The following PRRT1B variants were observed in gnomAD, a reference collection of about 807,000 sequenced individuals.
The protein encoded by PRRT1B is dispanin subfamily D member 2.
chr9:131,551,640 A>G lies in PRRT1B; in HGVS notation c.26-2917A>G, dbSNP rs932500288. ...ATGACATTCCACCACAAAAGAAGTG[A>G]AAATGGCCTGTTCCTGCCTTAACTG... On this transcript the variant is annotated intron_variant, in intron 1 of 3. Transcript: ENST00000636672. This position sits in a 1 kb window ranked among gnomAD's most constrained non-coding sequence, Gnocchi z 4.4. 1.0e-3 allele frequency among the ~76,000 whole-genome samples: 155 copies of G among 151,488 alleles called. No homozygotes were observed. The highest frequency in any genetic ancestry group is 3.3e-3 in the African/African-American group (138 of 41,308).
At chr9:131,549,359 G>A (rs1170745806) in intron 1 of PRRT1B, among the ~76,000 whole-genome samples, 3 of 152,190 alleles carry the variant, frequency 2.0e-5, no homozygotes, top group African/African-American at 7.2e-5. Context: ...AGCTTGCTAC[G>A]AGTGTTGGAA....
intron 1 of PRRT1B, among the ~76,000 whole-genome samples, chr9:131,547,495 A>G (rs986221093): frequency 1.3e-5 from 2 of 151,884 alleles, no homozygotes; most frequent in African/African-American, 2.4e-5. Context: ...AATCCTATAA[A>G]ACGGCCCCAC....
At chr9:131,546,408 G>A (rs1413221038) in intron 1 of PRRT1B, among the ~76,000 whole-genome samples, 1 of 152,196 alleles carries the variant, frequency 6.6e-6, no homozygotes, top group Non-Finnish European at 1.5e-5. Flanking sequence ...GCGCTGGAAG[G>A]GGCGGGGGGC....
chr9:131,547,065 C>CTTTTTTT lies in PRRT1B; in HGVS notation c.25+1443_25+1449dup, dbSNP rs549825970. Among the ~76,000 whole-genome samples, 60 of 100,756 alleles carry CTTTTTTT rather than the reference C, an allele frequency of 6.0e-4. 8 individuals are homozygous for CTTTTTTT. The highest frequency in any genetic ancestry group is 1.6e-3 in the African/African-American group (32 of 20,490). The allele number at this position is 100,756 out of a possible 152,430, so 66.1% of individuals were successfully genotyped here. A position where few individuals can be genotyped will look rare whatever the true frequency, so the allele number is the denominator to read the frequency against. Reference sequence around the variant, plus strand: ...AGAGCAGAGCCTGGCCTCCTGTTCGCTTTTTTTTTTTTTTTTTTTTTTTTG... The same window carrying CTTTTTTT: ...AGAGCAGAGCCTGGCCTCCTGTTCGCTTTTTTTTTTTTTTTTTTTTTTTTTTTTTTTG... On this transcript the variant is annotated intron_variant, in intron 1 of 3. Coordinates refer to ENST00000636672, the Ensembl canonical transcript of PRRT1B.
At chr9:131,549,435 C>T (rs1414282077) in intron 1 of PRRT1B, among the ~76,000 whole-genome samples, 2 of 152,190 alleles carry the variant, frequency 1.3e-5, no homozygotes, top group East Asian at 1.9e-4. Context: ...CCCATCTGTG[C>T]GGGACCCCAC....
exon 1 of PRRT1B, chr9:131,545,618 G>A (rs952262265): frequency 5.1e-6 from 2 of 393,604 alleles, no homozygotes; most frequent in East Asian, 3.6e-5. Flanking sequence ...CTCGGACCAT[G>A]GAGGCAGGAG....
intron 3 of PRRT1B, among the ~76,000 whole-genome samples, chr9:131,556,639 CTCTT>C (rs1372876743): frequency 1.3e-5 from 2 of 151,650 alleles, no homozygotes; most frequent in Admixed American, 6.6e-5. Context: ...CACCATCTCT[CTCTT>C]TTTTTTTGAT....
chr9:131,546,229 G>A (rs1489557295), intron 1 of PRRT1B, among the ~76,000 whole-genome samples: 2 of 152,196 alleles, frequency 1.3e-5, no homozygotes, highest in Non-Finnish European at 2.9e-5. Flanking sequence ...AGAGCCTGCA[G>A]TAGGGAGCAC....
intron 1 of PRRT1B, among the ~76,000 whole-genome samples, chr9:131,548,330 CCTT>C (rs1360820976): frequency 6.6e-5 from 10 of 152,170 alleles, no homozygotes; most frequent in Middle Eastern, 3.4e-3. Flanking sequence ...CTCTATTCCT[CCTT>C]CTTCTCCCTT....
At chr9:131,552,839 A>ATTTTTTTTTTTTTTTTTTTTT (rs61662684) in intron 1 of PRRT1B, among the ~76,000 whole-genome samples, 1 of 133,800 alleles carries the variant, frequency 7.5e-6, no homozygotes, top group Non-Finnish European at 1.6e-5. Context: ...CACCTGGTTA[A>ATTTTTTTTTTTTTTTTTTTTT]TTTTTTTTTT....
chr9:131,556,014 C>T, intron 2 of PRRT1B, 56 bp from the exon 3 acceptor site: 1 of 399,886 alleles, frequency 2.5e-6, no homozygotes, highest in Non-Finnish European at 4.4e-6. Context: ...TTCTCACTCA[C>T]TCTGTTGTCC....
At chr9:131,554,942 C>G in exon 2 of PRRT1B, 1 of 389,034 alleles carries the variant, frequency 2.6e-6, no homozygotes, top group Non-Finnish European at 4.5e-6. Context: ...CTGCGCTCTT[C>G]CCGCCGCCCG....
chr9:131,556,618 A>C (rs1339005194), intron 3 of PRRT1B, among the ~76,000 whole-genome samples: 1 of 150,534 alleles, frequency 6.6e-6, no homozygotes, highest in East Asian at 2.0e-4. Flanking sequence ...TTATCCATCC[A>C]CCCACCCATC....
chr9:131,549,048 A>T (rs1471532674), intron 1 of PRRT1B, among the ~76,000 whole-genome samples: 1 of 152,088 alleles, frequency 6.6e-6, no homozygotes. Flanking sequence ...ACAGCCCTAG[A>T]CCCTAAAAGG....
chr9:131,552,403 G>C (rs1444369080), intron 1 of PRRT1B, among the ~76,000 whole-genome samples: 1 of 152,218 alleles, frequency 6.6e-6, no homozygotes, highest in African/African-American at 2.4e-5. Context: ...TTTCCTTTGA[G>C]CATTGGTCAC....
At chr9:131,547,612 C>T (rs545216175) in intron 1 of PRRT1B, among the ~76,000 whole-genome samples, 11 of 152,180 alleles carry the variant, frequency 7.2e-5, no homozygotes, top group African/African-American at 1.4e-4. Context: ...TTCACACGGA[C>T]GCGAGTGAAA....
chr9:131,545,978 G>A (rs1950971765), intron 1 of PRRT1B, among the ~76,000 whole-genome samples: 1 of 152,138 alleles, frequency 6.6e-6, no homozygotes, highest in Non-Finnish European at 1.5e-5. Flanking sequence ...AGAATGCCCG[G>A]CCCAGGACAC....
At chr9:131,556,905 T>C (rs571238949) in intron 3 of PRRT1B, among the ~76,000 whole-genome samples, 3 of 151,842 alleles carry the variant, frequency 2.0e-5, no homozygotes, top group African/African-American at 4.8e-5. Flanking sequence ...AGTGCTGGGA[T>C]TACAGACGTG....
chr9:131,550,900 T>A (rs1481733950), intron 1 of PRRT1B, among the ~76,000 whole-genome samples: 1 of 151,726 alleles, frequency 6.6e-6, no homozygotes, highest in East Asian at 1.9e-4. Flanking sequence ...TATTCGGACC[T>A]TGTGTCTTCC....
Sources: allele counts gnomAD v4.1 joint callset (sites outside exome capture counted in the v4.1 genomes callset), GRCh38; gene constraint gnomAD v4.1.1; non-coding constraint Gnocchi (gnomAD v3.1); transcripts MANE v1.5; gene names NCBI Gene and HGNC (gene_info 2026-07-23, HGNC 2026-07-21).